CEP135: variants seen among roughly 807,000 people sequenced by gnomAD.
CEP135 encodes the protein centrosomal protein of 135 kDa.
In CEP135, 142 loss-of-function variants were observed where a neutral mutation model predicts 157.3. The ratio of observed to expected loss-of-function variants is 0.90; its 90% CI spans 0.79 to 1.04. The LOEUF (loss-of-function observed/expected upper bound fraction) is 1.04. Ranked by LOEUF, CEP135 falls within the 50% of genes least tolerant of loss-of-function variation. The pLI is 0.00. For synonymous variants in CEP135, 396 were observed against 439.8 expected (o/e 0.90, Z 1.25); for missense variants, 1,317 against 1,309.2 (o/e 1.01, Z -0.09).
At position 56,009,850 on chromosome 4, in the gene CEP135, A is replaced by C. The variant is rs779501427; in HGVS notation, c.2452A>C (p.Lys818Gln). 2.5e-6 allele frequency: 4 copies of C among 1,614,072 alleles called. No individual in the cohort carries two copies. The change falls in exon 19 of 26, where the codon AAG becomes CAG. Residue 818 changes from lysine to glutamine, a missense_variant. Lys to Gln is a moderately conservative substitution (Grantham distance 53, BLOSUM62 1). Coordinates refer to ENST00000257287, the MANE Select transcript of CEP135 (RefSeq NM_025009.5). ...EVGRSREIAF[K>Q]ENRRLQDDLA... Reference sequence around the variant, plus strand: ...AGGAAGATCTAGAGAAATCGCTTTTAAGGAAAACAGAAGACTGCAAGATGA... The same window carrying C: ...AGGAAGATCTAGAGAAATCGCTTTTCAGGAAAACAGAAGACTGCAAGATGA...
At chr4:55,968,941 A>G in intron 8 of CEP135, 122 bp from the exon 9 acceptor site, 1 of 606,906 alleles carries the variant, frequency 1.6e-6, no homozygotes, top group Non-Finnish European at 2.7e-6. Context: ...ATAGGGATAA[A>G]GCCTCAGATC....
chr4:56,014,390 A>G (rs1423549426), intron 21 of CEP135, among the ~76,000 whole-genome samples: 1 of 152,218 alleles, frequency 6.6e-6, no homozygotes, highest in Non-Finnish European at 1.5e-5. Context: ...GGCAATTGTG[A>G]TGAAGACTCA....
Position 55,980,211 on chromosome 4 carries a change from A to C in CEP135, c.1542A>C (p.Arg514Ser), listed in dbSNP as rs764723733. The change falls in exon 12 of 26, where the codon AGA becomes AGC. Residue 514 changes from arginine (R) to serine (S), a missense_variant. Transcript: ENST00000257287. The part of the protein sequence containing the change: ...ERDELQRMLE[R>S]FEKYMEDIQS... ...ATGAACTTCAGCGTATGCTAGAAAG[A>C]TTTGAAAAATATATGGAAGATATAC... 3.1e-6 allele frequency: 5 copies of C among 1,603,114 alleles called. No homozygotes were observed. The South Asian group carries it at 5.5e-5, about 18-fold the overall frequency.
Position 56,017,828 on chromosome 4 carries a change from T to C in CEP135, c.2983T>C (p.Leu995=), listed in dbSNP as rs370017366. The change falls in exon 22 of 26, where the codon TTG becomes CTG. Residue 995 remains leucine (L), a synonymous_variant. Transcript: ENST00000257287. The part of the protein sequence containing the change: ...DSGKDIMTQQ[L]NSKNLEFERV... ...AGGCAAAGATATTATGACCCAGCAATTGAATTCGAAAAACCTTGAGTTTGA... is the reference window on the plus strand; with the variant it reads ...AGGCAAAGATATTATGACCCAGCAACTGAATTCGAAAAACCTTGAGTTTGA... 137 of 1,612,990 alleles carry C rather than the reference T, an allele frequency of 8.5e-5. No individual in the cohort carries two copies. The highest frequency in any genetic ancestry group is 5.4e-4 in the South Asian group (49 of 90,954).
intron 4 of CEP135, among the ~76,000 whole-genome samples, chr4:55,956,715 A>T (rs1022511466): frequency 6.6e-6 from 1 of 151,872 alleles, no homozygotes; most frequent in African/African-American, 2.4e-5. Flanking sequence ...GGTTCAAGAG[A>T]TTCTCCTGCC....
At chr4:55,979,265 C>T (rs1027521894) in intron 11 of CEP135, among the ~76,000 whole-genome samples, 4 of 152,020 alleles carry the variant, frequency 2.6e-5, no homozygotes, top group African/African-American at 9.7e-5. Flanking sequence ...AAAAGGCATA[C>T]AAATTTATTT....
Position 55,985,299 on chromosome 4 carries a change from C to CT in CEP135, c.1803dup (p.Gly602TrpfsTer10). 6.3e-7 allele frequency: 1 copy of CT among 1,585,486 alleles called. No homozygotes were observed. Among genetic ancestry groups the CT allele is most frequent in the Admixed American group, 1.7e-5 (1 of 59,300 alleles). On this transcript the variant is annotated frameshift_variant, in exon 14 of 26. Coordinates refer to ENST00000257287, the MANE Select transcript of CEP135 (RefSeq NM_025009.5). LOFTEE classifies it high-confidence loss of function. ...TTTTCAGCATATTGAAGAAGTGAGT[C>CT]TTTTTGGAAAATCAGAATTAGAGAA...
At position 56,023,181 on chromosome 4, in the gene CEP135, C is replaced by T. The variant is rs531283497; in HGVS notation, c.3321-1320C>T. ...CCAGGAGTTTGAGATATGATTGTAC[C>T]ACTGCACTTGAGTCTGGGCAATAGA... On this transcript the variant is annotated intron_variant, in intron 24 of 25. Transcript: ENST00000257287. Among the ~76,000 whole-genome samples the T allele has an allele frequency of 2.6e-5, 4 of 151,902 alleles. No individual in the cohort carries two copies. The East Asian group carries it at 7.7e-4, about 29-fold the overall frequency.
rs773339206 is a variant in CEP135, at chr4:55,974,876, G to A, written c.1380G>A (p.Glu460=). The A allele has an allele frequency of 2.0e-5, 32 of 1,613,750 alleles. No individual in the cohort carries two copies. The highest frequency in any genetic ancestry group is 5.0e-5 in the Admixed American group (3 of 59,988). ...IEEERDYYKK[E]LERLQHIIQR... ...AAGAACGAGATTATTATAAGAAAGAGCTAGAGAGACTCCAACATATAATAC... is the reference window on the plus strand; with the variant it reads ...AAGAACGAGATTATTATAAGAAAGAACTAGAGAGACTCCAACATATAATAC... The change falls in exon 11 of 26, where the codon GAG becomes GAA. Residue 460 remains glutamate (E), a synonymous_variant. Coordinates refer to ENST00000257287, the MANE Select transcript of CEP135 (RefSeq NM_025009.5).
chr4:55,981,279 C>G lies in CEP135; in HGVS notation c.1679C>G (p.Pro560Arg), dbSNP rs1295581855. ...AAGGAATCCACCCAAACCACAGCAC[C>G]CCATAATATTGTTAGTCTTATGGAA... ...LRKESTQTTA[P>R]HNIVSLMEKE... Residue 560 changes from proline to arginine, a missense_variant, in exon 13 of 26, where the codon CCC (proline) becomes CGC (arginine). Coordinates refer to ENST00000257287, the MANE Select transcript of CEP135 (RefSeq NM_025009.5). The G allele has an allele frequency of 6.3e-7, 1 of 1,596,128 alleles. No individual in the cohort carries two copies.
intron 25 of CEP135, among the ~76,000 whole-genome samples, chr4:56,027,649 C>G (rs1486804573): frequency 6.6e-6 from 1 of 151,656 alleles, no homozygotes; most frequent in African/African-American, 2.4e-5. Flanking sequence ...TTCCTGCAGT[C>G]CCTGAAACTG....
At chr4:56,003,691 G>A (rs1052039339) in intron 17 of CEP135, among the ~76,000 whole-genome samples, 1 of 151,704 alleles carries the variant, frequency 6.6e-6, no homozygotes, top group Non-Finnish European at 1.5e-5. Flanking sequence ...ATCATCACTA[G>A]GTTGTTTATT....
intron 2 of CEP135, chr4:55,952,516 A>T (rs887852453): frequency 3.8e-6 from 1 of 264,842 alleles, no homozygotes; most frequent in African/African-American, 2.2e-5. Flanking sequence ...TATAATTGAG[A>T]GACACTTTTC....
At chr4:56,024,843 A>G (rs1315128958) in intron 25 of CEP135, among the ~76,000 whole-genome samples, 1 of 149,248 alleles carries the variant, frequency 6.7e-6, no homozygotes, top group Non-Finnish European at 1.5e-5. Flanking sequence ...TTTTTTTAAG[A>G]GATGGGGTCT....
intron 8 of CEP135, among the ~76,000 whole-genome samples, chr4:55,968,826 G>T (rs1728924710): frequency 1.3e-5 from 2 of 152,292 alleles, no homozygotes; most frequent in Admixed American, 1.3e-4. Context: ...GATCCTACAA[G>T]ATGCTCAAGT....
chr4:56,016,595 T>G, intron 21 of CEP135, among the ~76,000 whole-genome samples: 1 of 152,150 alleles, frequency 6.6e-6, no homozygotes, highest in East Asian at 1.9e-4. Context: ...ATTAATGCAC[T>G]AAAAAATCTA....
intron 25 of CEP135, among the ~76,000 whole-genome samples, chr4:56,029,034 C>T (rs1251543582): frequency 6.6e-6 from 1 of 152,178 alleles, no homozygotes; most frequent in Non-Finnish European, 1.5e-5. Flanking sequence ...TAGAGCAGCT[C>T]ACAGAACTCA....
At position 55,949,386 on chromosome 4, in the gene CEP135, A is replaced by G. The variant is rs370435095; in HGVS notation, c.-46+327A>G. Among the ~76,000 whole-genome samples the G allele has an allele frequency of 3.3e-5, 5 of 152,360 alleles. No individual in the cohort carries two copies. In the East Asian group the frequency reaches 9.6e-4, roughly 29 times the overall value. On this transcript the variant is annotated intron_variant, in intron 1 of 25. Coordinates refer to ENST00000257287, the MANE Select transcript of CEP135 (RefSeq NM_025009.5). ...TGTTGACCAATGGATAGATTTAAAC[A>G]TTAAAATGCCTTCTCAGTGTAGCAG...
rs530139561 is a variant in CEP135, at chr4:56,015,463, C to T, written c.2803-2185C>T. 6.0e-3 allele frequency among the ~76,000 whole-genome samples: 913 copies of T among 152,356 alleles called. 4 individuals are homozygous for T. The highest frequency in any genetic ancestry group is 0.02 in the African/African-American group (846 of 41,580). On this transcript the variant is annotated intron_variant, in intron 21 of 25. Transcript: ENST00000257287. Reference sequence around the variant, plus strand: ...GAGCTACTGTCTGTCTGCTTGGTTTCAGAGGGCAAGGCCACTGCCCCTGTG... The same window carrying T: ...GAGCTACTGTCTGTCTGCTTGGTTTTAGAGGGCAAGGCCACTGCCCCTGTG...
Sources: allele counts gnomAD v4.1 joint callset (sites outside exome capture counted in the v4.1 genomes callset), GRCh38; gene constraint gnomAD v4.1.1; transcripts MANE v1.5; gene names NCBI Gene and HGNC (gene_info 2026-07-23, HGNC 2026-07-21).